The following PLXNA4 variants were observed in gnomAD, a reference collection of about 807,000 sequenced individuals.
PLXNA4 encodes plexin A4.
In PLXNA4, 44 loss-of-function variants were observed where a neutral mutation model predicts 191.8. That is an observed-to-expected ratio of 0.23 (90% CI 0.18 to 0.29). PLXNA4 has a LOEUF of 0.29. Ranked by LOEUF, PLXNA4 falls within the 10% of genes least tolerant of loss-of-function variation. The pLI is 1.00. For missense variants in PLXNA4, 1,800 were observed against 2,488.8 expected (o/e 0.72, Z 5.89); for synonymous variants, 1,082 against 1,009.5 (o/e 1.07, Z -1.36).
At chr7:132,157,592 T>G (rs1369415807) in intron 25 of PLXNA4, among the ~76,000 whole-genome samples, 1 of 152,192 alleles carries the variant, frequency 6.6e-6, no homozygotes, top group East Asian at 1.9e-4. Context: ...GGCACAACTT[T>G]GCAATCTCAG....
intron 2 of PLXNA4, among the ~76,000 whole-genome samples, chr7:132,601,672 T>C (rs781268153): frequency 3.3e-5 from 5 of 152,202 alleles, no homozygotes; most frequent in Non-Finnish European, 5.9e-5. Flanking sequence ...CCCAAGATGA[T>C]AGCTTTTGAA....
At chr7:132,412,935 A>G (rs1290098537) in intron 3 of PLXNA4, among the ~76,000 whole-genome samples, 1 of 152,180 alleles carries the variant, frequency 6.6e-6, no homozygotes, top group African/African-American at 2.4e-5. Context: ...GTGCCATGAC[A>G]GAGGTAAACT....
In PLXNA4 at chr7:132,307,504, T is replaced by C. The variant is rs564038620; in HGVS notation, c.1372-9282A>G. On this transcript the variant is annotated intron_variant, in intron 3 of 31. Transcript: ENST00000321063. ...GAATGAATGAAAACACTCAAAGTAA[T>C]CATCTTCGTGTTTCTTCATCCTCAT... 2.0e-5 allele frequency among the ~76,000 whole-genome samples: 3 copies of C among 152,216 alleles called. No homozygotes were observed. The East Asian group carries it at 5.8e-4, about 29-fold the overall frequency.
At chr7:132,339,503 C>G (rs920489271) in intron 3 of PLXNA4, among the ~76,000 whole-genome samples, 1 of 152,222 alleles carries the variant, frequency 6.6e-6, no homozygotes, top group African/African-American at 2.4e-5. Flanking sequence ...ACTAGAGATT[C>G]CTTCCATTTC....
At chr7:132,379,355 G>A (rs1028883356) in intron 3 of PLXNA4, among the ~76,000 whole-genome samples, 12 of 152,120 alleles carry the variant, frequency 7.9e-5, no homozygotes, top group African/African-American at 2.7e-4. Context: ...AGCCTACCAC[G>A]CAAGGGAGAA....
chr7:132,200,808 A>T (rs926081190), intron 12 of PLXNA4, among the ~76,000 whole-genome samples: 1 of 152,208 alleles, frequency 6.6e-6, no homozygotes, highest in Non-Finnish European at 1.5e-5. Context: ...GGAGAACATT[A>T]CTCAGGAGAT....
intron 2 of PLXNA4, among the ~76,000 whole-genome samples, chr7:132,491,871 GGGA>G (rs1285742734): frequency 2.6e-5 from 4 of 152,190 alleles, no homozygotes; most frequent in South Asian, 2.1e-4. Flanking sequence ...GAGGGTTAAA[GGGA>G]GGAGTAGAAG....
intron 2 of PLXNA4, among the ~76,000 whole-genome samples, chr7:132,607,975 G>A (rs1182005704): frequency 1.1e-4 from 15 of 131,416 alleles, no homozygotes; most frequent in Admixed American, 3.1e-4. Context: ...CACCATCACT[G>A]CCATCATCCT....
In PLXNA4 at chr7:132,354,478, C is replaced by A. The variant is rs60709706; in HGVS notation, c.1372-56256G>T. 4.5e-3 allele frequency among the ~76,000 whole-genome samples: 680 copies of A among 152,230 alleles called. 3 individuals carry two copies. The highest frequency in any genetic ancestry group is 0.016 in the African/African-American group (646 of 41,514). On this transcript the variant is annotated intron_variant, in intron 3 of 31. Transcript: ENST00000321063. ...GATGGCAGAGGGTGGTAGGCAGGAG[C>A]CTTTCATAAAAATAACTTTTGATCA...
intron 3 of PLXNA4, among the ~76,000 whole-genome samples, chr7:132,343,046 C>T (rs1465371927): frequency 6.6e-6 from 1 of 151,286 alleles, no homozygotes; most frequent in African/African-American, 2.4e-5. Flanking sequence ...AAGATCAAAC[C>T]CTAGGAAAAA....
intron 3 of PLXNA4, chr7:132,384,668 T>C (rs1805041079): frequency 1.0e-6 from 1 of 995,670 alleles, no homozygotes; most frequent in Non-Finnish European, 1.2e-6. Context: ...CTGAGTTAAT[T>C]ACATGATGCT....
intron 2 of PLXNA4, among the ~76,000 whole-genome samples, chr7:132,586,182 T>C (rs1006411901): frequency 1.3e-5 from 2 of 152,222 alleles, no homozygotes; most frequent in Non-Finnish European, 2.9e-5. Flanking sequence ...TTAGGGTATA[T>C]GTCAGAGCTC....
At chr7:132,324,756 G>A (rs773555036) in intron 3 of PLXNA4, among the ~76,000 whole-genome samples, 2 of 152,176 alleles carry the variant, frequency 1.3e-5, no homozygotes, top group Non-Finnish European at 2.9e-5. Flanking sequence ...TGGGAGCGAT[G>A]CCTGAGGCCA....
chr7:132,410,757 A>G (rs1471290629), intron 3 of PLXNA4, among the ~76,000 whole-genome samples: 1 of 152,082 alleles, frequency 6.6e-6, no homozygotes, highest in Non-Finnish European at 1.5e-5. Context: ...GCTTTTACTC[A>G]TCTCCATCAG....
chr7:132,399,697 A>G (rs931634613), intron 3 of PLXNA4, among the ~76,000 whole-genome samples: 1 of 152,200 alleles, frequency 6.6e-6, no homozygotes, highest in Non-Finnish European at 1.5e-5. Flanking sequence ...TATTCAATGT[A>G]GTGGGTTCTG....
At chr7:132,298,034 C>A in intron 4 of PLXNA4, 57 bp downstream of exon 4, 2 of 1,609,858 alleles carry the variant, frequency 1.2e-6, no homozygotes, top group Non-Finnish European at 1.7e-6. Context: ...TTGTACTGAG[C>A]CACAGGCTAG....
At chr7:132,236,747 C>T (rs1798715347) in intron 5 of PLXNA4, among the ~76,000 whole-genome samples, 1 of 152,098 alleles carries the variant, frequency 6.6e-6, no homozygotes, top group African/African-American at 2.4e-5. Context: ...GCAATTAAAC[C>T]TCCCACTCTT....
intron 3 of PLXNA4, among the ~76,000 whole-genome samples, chr7:132,362,718 G>A (rs1250062966): frequency 6.6e-6 from 1 of 152,310 alleles, no homozygotes; most frequent in Middle Eastern, 3.4e-3. Flanking sequence ...GAAGTCAAAA[G>A]ACTATAAACC....
At chr7:132,275,144 A>G (rs1396868829) in intron 4 of PLXNA4, among the ~76,000 whole-genome samples, 2 of 152,186 alleles carry the variant, frequency 1.3e-5, no homozygotes, top group Admixed American at 6.5e-5. Context: ...TATAATTATT[A>G]TTGTAACATA....
Sources: gnomAD v4.1 joint callset for allele counts (sites outside exome capture counted in the v4.1 genomes callset) on GRCh38, gnomAD v4.1.1 for gene constraint, MANE v1.5 for transcripts, NCBI Gene and HGNC (gene_info 2026-07-23, HGNC 2026-07-21) for gene names.